The following PARP10 variants were observed in gnomAD, a reference collection of about 807,000 sequenced individuals.
The protein encoded by PARP10 is poly(ADP-ribose) polymerase family member 10.
In PARP10, 56 loss-of-function variants were observed where a neutral mutation model predicts 82.4. The observed-to-expected ratio is 0.68, with a 90% confidence interval of 0.55 to 0.85. The LOEUF is 0.85. PARP10 is among the 40% of genes least tolerant of loss of function. The pLI is 0.00. For missense variants in PARP10, 1,227 were observed against 1,379.4 expected (o/e 0.89, Z 1.75); for synonymous variants, 576 against 601.1 (o/e 0.96, Z 0.61).
In PARP10 at chr8:144,011,315, G is replaced by C. The variant is rs918491006; in HGVS notation, c.-80+1215C>G. ...GTTCTTGGGGGCTCTGGTCCCTGGG[G>C]CCAGAGTGACTGAGCCAGGATTACA... On this transcript the variant is annotated intron_variant, in intron 1 of 3. Transcript: ENST00000530478. The surrounding 1 kb of genome is among the most constrained non-coding windows in gnomAD (Gnocchi z 4.5). Among the ~76,000 whole-genome samples, 1 of 152,068 alleles carries C rather than the reference G, an allele frequency of 6.6e-6. No homozygotes were observed. The highest frequency in any genetic ancestry group is 1.5e-5 in the Non-Finnish European group (1 of 68,002).
At chr8:143,980,487 A>C (rs1211350177) in intron 9 of PARP10, among the ~76,000 whole-genome samples, 2 of 150,784 alleles carry the variant, frequency 1.3e-5, no homozygotes, top group East Asian at 3.9e-4. Flanking sequence ...ATGCCACTGC[A>C]CTCTAGCCTG....
chr8:143,984,413 A>G lies in PARP10; in HGVS notation c.1477T>C (p.Ser493Pro). Reference sequence around the variant, plus strand: ...AGAAACTCCTCAGCCGCCTGGCAGGAAGCCTGGGCTCCACAGAGCTGCAGG... The same window carrying G: ...AGAAACTCCTCAGCCGCCTGGCAGGGAGCCTGGGCTCCACAGAGCTGCAGG... Reference protein sequence around the residue: ...TGFRLCGAQASCQAAEEFLRS... With the variant: ...TGFRLCGAQAPCQAAEEFLRS... Residue 493 changes from serine to proline, a missense_variant, in exon 6 of 11, where the codon TCC becomes CCC. By Grantham distance (74) the Ser-to-Pro change is moderately conservative (BLOSUM62 -1). Transcript: ENST00000313028. 5 of 1,610,318 alleles carry G rather than the reference A, an allele frequency of 3.1e-6. No homozygotes were observed. The highest frequency in any genetic ancestry group is 4.2e-6 in the Non-Finnish European group (5 of 1,179,054).
chr8:143,997,175 C>A (rs1046521041), intron 1 of PARP10, among the ~76,000 whole-genome samples: 1 of 152,244 alleles, frequency 6.6e-6, no homozygotes, highest in Non-Finnish European at 1.5e-5. Flanking sequence ...ACACTGAAGA[C>A]TTTTCAGAAT....
chr8:143,977,814 C>A lies in PARP10; in HGVS notation c.2748G>T (p.Lys916Asn). The A allele has an allele frequency of 1.2e-6, 2 of 1,600,782 alleles. No homozygotes were observed. The highest frequency in any genetic ancestry group is 1.7e-6 in the Non-Finnish European group (2 of 1,174,270). The change falls in exon 11 of 11, where the codon AAG becomes AAT. Residue 916 changes from lysine (K) to asparagine (N), a missense_variant. Coordinates refer to ENST00000313028, the MANE Select transcript of PARP10 (RefSeq NM_032789.5). The stretch of plus-strand genomic sequence containing the variant: ...AGGCGCGCCTGGCGAAATACACGCC[C>A]TTCCCGTAGACCGTGGCTGCAGGGC... ...FCGRNATVYGKGVYFARRASL... is the reference protein window; with the variant it reads ...FCGRNATVYGNGVYFARRASL...
At chr8:143,996,663 C>T (rs1279203193) in intron 1 of PARP10, among the ~76,000 whole-genome samples, 11 of 152,242 alleles carry the variant, frequency 7.2e-5, no homozygotes, top group African/African-American at 2.7e-4. Context: ...CATGAATGCT[C>T]ACTGCCCTCA....
chr8:143,988,590 C>G (rs1051453452), upstream of PARP10, among the ~76,000 whole-genome samples: 3 of 151,888 alleles, frequency 2.0e-5, no homozygotes, highest in African/African-American at 7.3e-5. Flanking sequence ...CTCAGCCCCC[C>G]CAATAGCTGG....
chr8:143,992,340 C>T (rs758183476), upstream of PARP10: 35 of 1,591,196 alleles, frequency 2.2e-5, no homozygotes, highest in Admixed American at 3.2e-4. Context: ...TCACCACAGC[C>T]GTCTGCTTCA....
At chr8:143,991,397 C>G, upstream of PARP10, 1 of 1,191,692 alleles carries the variant, frequency 8.4e-7, no homozygotes, top group Non-Finnish European at 1.2e-6. Context: ...CAGGGTACCC[C>G]CATGGCCCCA....
chr8:144,002,059 A>T (rs1834206919), intron 1 of PARP10, among the ~76,000 whole-genome samples: 1 of 152,146 alleles, frequency 6.6e-6, no homozygotes, highest in Non-Finnish European at 1.5e-5. Context: ...GGCAAGAGGG[A>T]GATAAATGAA....
chr8:143,992,295 C>T, upstream of PARP10: 2 of 1,591,784 alleles, frequency 1.3e-6, no homozygotes, highest in Non-Finnish European at 1.7e-6. Context: ...TCGCCAGCTT[C>T]TACAACACCG....
At position 143,977,403 on chromosome 8, in the gene PARP10, G is replaced by T; in HGVS notation, c.*81C>A. The T allele has an allele frequency of 4.6e-6, 6 of 1,305,890 alleles. No individual in the cohort carries two copies. Among genetic ancestry groups the T allele is most frequent in the Non-Finnish European group, 6.2e-6 (6 of 970,652 alleles). 80.9% of individuals were successfully genotyped at this position (1,305,890 alleles called of 1,614,324 possible). ...GGCGTCCCCGGGGACAGCTCAGGCGGCCACAGTTGGGGGCGGGGAGCATCA... is the reference window on the plus strand; with the variant it reads ...GGCGTCCCCGGGGACAGCTCAGGCGTCCACAGTTGGGGGCGGGGAGCATCA... On this transcript the variant is annotated 3_prime_UTR_variant, in exon 11 of 11. Transcript: ENST00000313028.
upstream of PARP10, chr8:143,993,334 G>T (rs1554750914): frequency 5.0e-5 from 8 of 159,452 alleles, 1 homozygote; most frequent in South Asian, 1.4e-3. Context: ...GGGCAGAGAG[G>T]ATGGCATGTT....
chr8:143,978,034 G>A lies in PARP10; in HGVS notation c.2604C>T (p.Tyr868=), dbSNP rs781924783. Residue 868 remains tyrosine (Y), a synonymous_variant, in exon 10 of 11, where the codon TAC becomes TAT. Coordinates refer to ENST00000313028, the MANE Select transcript of PARP10 (RefSeq NM_032789.5). ...CGCATCGCTGCAGCAGGCGCTCCCG[G>A]TACAGCTCATACTGCTGCTGCAGCA... ...HPLLQQQYEL[Y]RERLLQRCER... The A allele has an allele frequency of 8.2e-6, 13 of 1,576,980 alleles. No individual in the cohort carries two copies. Among genetic ancestry groups the A allele is most frequent in the African/African-American group, 2.7e-5 (2 of 74,102 alleles).
At chr8:143,991,383 C>T, upstream of PARP10, 4 of 1,192,674 alleles carry the variant, frequency 3.4e-6, no homozygotes, top group Non-Finnish European at 2.3e-6. Context: ...CCCCTACGGT[C>T]AGCCAGGGTA....
chr8:143,981,156 A>C (rs1017012146), intron 9 of PARP10, among the ~76,000 whole-genome samples: 5 of 150,704 alleles, frequency 3.3e-5, no homozygotes, highest in Admixed American at 2.6e-4. Flanking sequence ...CCAAGTACGT[A>C]TAATTAACAA....
At chr8:143,991,124 G>T (rs562663764), upstream of PARP10, 6 of 742,722 alleles carry the variant, frequency 8.1e-6, no homozygotes, top group East Asian at 1.8e-4. Flanking sequence ...CCAGAAGCAG[G>T]TGGAGTTGCG....
Position 143,984,289 on chromosome 8 carries a change from T to C in PARP10, c.1601A>G (p.Gln534Arg), listed in dbSNP as rs1397777137. The change falls in exon 6 of 11, where the codon CAG becomes CGG. Residue 534 changes from glutamine (Q) to arginine (R), a missense_variant. Coordinates refer to ENST00000313028, the MANE Select transcript of PARP10 (RefSeq NM_032789.5). ...LLGPEGQHLL[Q>R]GLEAQFQCVF... ...ACACTGGAACTGAGCCTCCAGCCCCTGGAGAAGGTGCTGCCCTTCTGGGCC... is the reference window on the plus strand; with the variant it reads ...ACACTGGAACTGAGCCTCCAGCCCCCGGAGAAGGTGCTGCCCTTCTGGGCC... The C allele has an allele frequency of 1.6e-5, 26 of 1,614,038 alleles. No homozygotes were observed. The highest frequency in any genetic ancestry group is 2.1e-5 in the Non-Finnish European group (25 of 1,179,980).
intron 1 of PARP10, among the ~76,000 whole-genome samples, chr8:144,001,313 G>C (rs1277803671): frequency 1.3e-5 from 2 of 152,176 alleles, no homozygotes; most frequent in Admixed American, 6.5e-5. Context: ...GGAATCCAGC[G>C]ACGCTCCTAC....
At chr8:144,006,028 A>G (rs147367940) in intron 1 of PARP10, among the ~76,000 whole-genome samples, 183 of 152,282 alleles carry the variant, frequency 1.2e-3, no homozygotes, top group African/African-American at 4.2e-3. Flanking sequence ...GGGGACCCTC[A>G]TTCAGGCCTG....
Sources: gnomAD v4.1 joint callset for allele counts (sites outside exome capture counted in the v4.1 genomes callset) on GRCh38, gnomAD v4.1.1 for gene constraint, Gnocchi (gnomAD v3.1) non-coding constraint, MANE v1.5 for transcripts, NCBI Gene and HGNC (gene_info 2026-07-23, HGNC 2026-07-21) for gene names.